DLGAP2: variants seen among roughly 807,000 people sequenced by gnomAD.
DLGAP2 encodes the protein disks large-associated protein 2.
Under a neutral mutation model 100.3 loss-of-function variants are expected in DLGAP2, and 26 were observed. That is an observed-to-expected ratio of 0.26 (90% confidence interval 0.19 to 0.36). DLGAP2 has a LOEUF of 0.36. Among genes scored for constraint, DLGAP2 ranks in the 10% least tolerant of loss-of-function variants. The pLI, the probability that DLGAP2 is intolerant of heterozygous loss-of-function variation, is 1.00. For missense variants in DLGAP2, 1,858 were observed against 1,453.2 expected, an observed-to-expected ratio of 1.28 and a Z score of -4.53; for synonymous variants, 886 against 630.1, an observed-to-expected ratio of 1.41 and a Z score of -6.08.
intron 2 of DLGAP2, among the ~76,000 whole-genome samples, chr8:1,043,318 AC>A (rs1802424021): frequency 2.1e-5 from 1 of 46,602 alleles, no homozygotes; most frequent in Non-Finnish European, 4.1e-5. Flanking sequence ...TGGGTGATGG[AC>A]GTGGGTGATG....
chr8:1,172,278 T>TTA (rs1563229439), intron 2 of DLGAP2, among the ~76,000 whole-genome samples: 7 of 152,332 alleles, frequency 4.6e-5, no homozygotes, highest in Admixed American at 1.3e-4. Flanking sequence ...GGCTTCCCTT[T>TTA]GTGGGTAACC....
At chr8:1,148,050 T>G (rs1208168331) in intron 2 of DLGAP2, among the ~76,000 whole-genome samples, 1 of 152,214 alleles carries the variant, frequency 6.6e-6, no homozygotes, top group Admixed American at 6.5e-5. Context: ...ATATTATTTA[T>G]TCTTTAAACA....
At chr8:1,418,019 G>C (rs980855583) in intron 3 of DLGAP2, among the ~76,000 whole-genome samples, 3 of 152,154 alleles carry the variant, frequency 2.0e-5, no homozygotes, top group African/African-American at 7.2e-5. Context: ...CTACAGTCCC[G>C]TTCTGGACAG....
intron 3 of DLGAP2, among the ~76,000 whole-genome samples, chr8:1,440,320 G>C (rs1010777417): frequency 3.9e-5 from 6 of 152,126 alleles, no homozygotes; most frequent in African/African-American, 1.2e-4. Context: ...CATTAAAATG[G>C]ACTCACGTGG....
At chr8:866,515 C>T (rs939543116) in intron 1 of DLGAP2, among the ~76,000 whole-genome samples, 5 of 152,162 alleles carry the variant, frequency 3.3e-5, no homozygotes, top group African/African-American at 1.2e-4. Flanking sequence ...CTGGTAAACT[C>T]ACTTCTCGAG....
chr8:871,727 C>T (rs957357321), intron 1 of DLGAP2, among the ~76,000 whole-genome samples: 2 of 152,068 alleles, frequency 1.3e-5, no homozygotes, highest in African/African-American at 4.8e-5. Context: ...ATTTGAAGTA[C>T]TTCTGGTCCC....
At chr8:937,729 C>T (rs1055120910) in intron 2 of DLGAP2, among the ~76,000 whole-genome samples, 3 of 152,186 alleles carry the variant, frequency 2.0e-5, no homozygotes, top group African/African-American at 7.2e-5. Flanking sequence ...CCATCTCCTA[C>T]AATCAAGGGA....
Position 1,267,834 on chromosome 8 carries a change from C to A in DLGAP2, c.106+8951C>A, listed in dbSNP as rs975579115. Among the ~76,000 whole-genome samples the A allele has an allele frequency of 2.6e-5, 4 of 152,026 alleles. No homozygotes were observed. In the East Asian group the frequency reaches 7.7e-4, roughly 29 times the overall value. On this transcript the variant is annotated intron_variant, in intron 3 of 14. Coordinates refer to ENST00000637795, the MANE Select transcript of DLGAP2 (RefSeq NM_001346810.2). ...GCTCAGTGCTGGTTCTATGGGAATT[C>A]TGAGCATGGGAACTGGTTTTTCCTC...
intron 4 of DLGAP2, among the ~76,000 whole-genome samples, chr8:1,517,087 C>T (rs564034681): frequency 7.2e-5 from 11 of 152,262 alleles, no homozygotes; most frequent in Middle Eastern, 3.4e-3. Flanking sequence ...TTGAAGGCCG[C>T]AGCCTCAAGG....
In DLGAP2 at chr8:913,405, A is replaced by G. The variant is rs571999306; in HGVS notation, c.73+5439A>G. Reference sequence around the variant, plus strand: ...AGTGGCCAAGTTTGCATTCTCTCCTACGGGCCTGTCTCAAAGGACAACAGT... The same window carrying G: ...AGTGGCCAAGTTTGCATTCTCTCCTGCGGGCCTGTCTCAAAGGACAACAGT... On this transcript the variant is annotated intron_variant, in intron 2 of 14. Coordinates refer to ENST00000637795, the MANE Select transcript of DLGAP2 (RefSeq NM_001346810.2). 4.2e-4 allele frequency among the ~76,000 whole-genome samples: 64 copies of G among 152,308 alleles called. 1 individual carries two copies. Among genetic ancestry groups the G allele is most frequent in the African/African-American group, 1.5e-3 (61 of 41,578 alleles).
chr8:1,305,222 G>A (rs1317976806), intron 3 of DLGAP2, among the ~76,000 whole-genome samples: 1 of 152,152 alleles, frequency 6.6e-6, no homozygotes, highest in Non-Finnish European at 1.5e-5. Flanking sequence ...AATGAAAGTA[G>A]CATCTCTCAA....
At chr8:1,468,345 G>T (rs1373463710) in intron 3 of DLGAP2, among the ~76,000 whole-genome samples, 1 of 151,818 alleles carries the variant, frequency 6.6e-6, no homozygotes, top group Non-Finnish European at 1.5e-5. Flanking sequence ...CGTGGATCTG[G>T]GCTGGTCCTG....
At chr8:1,111,444 C>G (rs561507229) in intron 2 of DLGAP2, among the ~76,000 whole-genome samples, 23 of 151,706 alleles carry the variant, frequency 1.5e-4, no homozygotes, top group African/African-American at 5.6e-4. Flanking sequence ...GTGAAGGCTT[C>G]TTACTTAGGT....
At chr8:800,862 C>T (rs193259766) in intron 1 of DLGAP2, among the ~76,000 whole-genome samples, 6 of 152,256 alleles carry the variant, frequency 3.9e-5, no homozygotes, top group East Asian at 1.9e-4. Context: ...TCTCCAAGGC[C>T]GGGTCTGTAC....
chr8:1,080,094 C>T lies in DLGAP2; in HGVS notation c.73+172128C>T, dbSNP rs531232443. ...GGGGGCCTGGCACGGGCCTGCTTCCCCAGCCTCCCAGCCATGTGGCCGTGC... is the reference window on the plus strand; with the variant it reads ...GGGGGCCTGGCACGGGCCTGCTTCCTCAGCCTCCCAGCCATGTGGCCGTGC... On this transcript the variant is annotated intron_variant, in intron 2 of 14. Transcript: ENST00000637795. Among the ~76,000 whole-genome samples the T allele has an allele frequency of 1.3e-4, 20 of 152,332 alleles. No homozygotes were observed. The East Asian group carries it at 3.9e-3, about 29-fold the overall frequency.
intron 2 of DLGAP2, among the ~76,000 whole-genome samples, chr8:1,093,226 C>A (rs1804243787): frequency 1.3e-5 from 2 of 152,094 alleles, no homozygotes; most frequent in Admixed American, 6.5e-5. Context: ...TTCACACCAA[C>A]AGCCAGACAG....
intron 3 of DLGAP2, among the ~76,000 whole-genome samples, chr8:1,408,339 C>T (rs1360586609): frequency 1.3e-5 from 2 of 152,226 alleles, no homozygotes; most frequent in African/African-American, 2.4e-5. Context: ...CCCCTTCCCT[C>T]GGGGAGGCGT....
In DLGAP2 at chr8:1,193,809, A is replaced by T. The variant is rs570217885; in HGVS notation, c.74-65042A>T. 2.0e-5 allele frequency among the ~76,000 whole-genome samples: 3 copies of T among 151,636 alleles called. No homozygotes were observed. In the East Asian group the frequency reaches 5.9e-4, roughly 30 times the overall value. On this transcript the variant is annotated intron_variant, in intron 2 of 14. Coordinates refer to ENST00000637795, the MANE Select transcript of DLGAP2 (RefSeq NM_001346810.2). ...CCGCACCATGCCCCCTGCAGCCAGC[A>T]CCTGAGACCCCCAGACAGCATCCGG...
chr8:1,273,627 C>G (rs997891489), intron 3 of DLGAP2, among the ~76,000 whole-genome samples: 3 of 152,230 alleles, frequency 2.0e-5, no homozygotes, highest in Non-Finnish European at 2.9e-5. Context: ...TAGCCCCTGG[C>G]TCTGCACAAG....
Sources: allele counts gnomAD v4.1 joint callset (sites outside exome capture counted in the v4.1 genomes callset), GRCh38; gene constraint gnomAD v4.1.1; transcripts MANE v1.5; gene names NCBI Gene and HGNC (gene_info 2026-07-23, HGNC 2026-07-21).